The following ARHGEF7 variants were observed in gnomAD, a reference collection of about 807,000 sequenced individuals.
The protein encoded by ARHGEF7 is PAK-interacting exchange factor beta.
Under a neutral mutation model 109.8 loss-of-function variants are expected in ARHGEF7, and 33 were observed. That is an observed-to-expected ratio of 0.30 (90% CI 0.23 to 0.40). The LOEUF (loss-of-function observed/expected upper bound fraction) is 0.40. ARHGEF7 is among the 10% of genes least tolerant of loss of function. ARHGEF7 has a pLI of 1.00. For missense variants in ARHGEF7, 938 were observed against 1,098.5 expected (o/e 0.85, Z 2.07); for synonymous variants, 458 against 424.6 (o/e 1.08, Z -0.97).
At chr13:111,128,188 T>G (rs2067705236) in intron 1 of ARHGEF7, among the ~76,000 whole-genome samples, 1 of 152,186 alleles carries the variant, frequency 6.6e-6, no homozygotes, top group South Asian at 2.1e-4. Flanking sequence ...CTGTTCAACC[T>G]TACACTGGAG....
chr13:111,302,988 C>T lies in ARHGEF7; in HGVS notation c.2467-3C>T. 3.1e-6 allele frequency: 5 copies of T among 1,614,000 alleles called. No homozygotes were observed. Among genetic ancestry groups the T allele is most frequent in the Non-Finnish European group, 4.2e-6 (5 of 1,179,940 alleles). On this transcript the variant is annotated splice_polypyrimidine_tract_variant and splice_region_variant and intron_variant, in intron 21 of 21. Coordinates refer to ENST00000646102, the MANE Select transcript of ARHGEF7 (RefSeq NM_001354046.2). ...AACACCCTGTGGTCTGCTTAATTTA[C>T]AGGACAACAAAAAGATGAAGAAATC... is the stretch of plus-strand genomic sequence containing the variant.
At chr13:111,244,075 C>A in intron 7 of ARHGEF7, 109 bp downstream of exon 7, 1 of 1,219,916 alleles carries the variant, frequency 8.2e-7, no homozygotes, top group Non-Finnish European at 1.2e-6. Context: ...ATTTAGTGTA[C>A]CAGTTTGCCT....
intron 2 of ARHGEF7, among the ~76,000 whole-genome samples, chr13:111,175,659 T>C (rs2078082903): frequency 6.6e-6 from 1 of 152,208 alleles, no homozygotes; most frequent in Non-Finnish European, 1.5e-5. Context: ...AGGTATTGCC[T>C]TGGACGTCCT....
At chr13:111,248,599 C>G (rs1235577349) in intron 8 of ARHGEF7, among the ~76,000 whole-genome samples, 1 of 152,128 alleles carries the variant, frequency 6.6e-6, no homozygotes, top group Non-Finnish European at 1.5e-5. Flanking sequence ...CTGCTGTGTC[C>G]TAAGTGTTCA....
At chr13:111,195,211 G>T (rs1290942773) in intron 2 of ARHGEF7, among the ~76,000 whole-genome samples, 2 of 152,182 alleles carry the variant, frequency 1.3e-5, no homozygotes, top group Non-Finnish European at 2.9e-5. Context: ...TGCCCTTCCA[G>T]ATTGTCTTTC....
intron 2 of ARHGEF7, among the ~76,000 whole-genome samples, chr13:111,166,291 A>G (rs2077120234): frequency 1.3e-5 from 2 of 152,208 alleles, no homozygotes; most frequent in Admixed American, 6.5e-5. Flanking sequence ...ATAGGAAGTG[A>G]GGCCAGGGAG....
At chr13:111,187,381 G>A (rs1020548921) in intron 2 of ARHGEF7, among the ~76,000 whole-genome samples, 1 of 152,192 alleles carries the variant, frequency 6.6e-6, no homozygotes, top group Non-Finnish European at 1.5e-5. Context: ...GAGGGAGACC[G>A]TTCCTGAAAC....
chr13:111,120,447 A>G (rs2067110722), intron 1 of ARHGEF7, among the ~76,000 whole-genome samples: 1 of 151,734 alleles, frequency 6.6e-6, no homozygotes, highest in Non-Finnish European at 1.5e-5. Context: ...ACAAACATGC[A>G]CATACGTAAA....
At chr13:111,152,759 A>G (rs1595077699) in intron 1 of ARHGEF7, among the ~76,000 whole-genome samples, 1 of 152,384 alleles carries the variant, frequency 6.6e-6, no homozygotes, top group African/African-American at 2.4e-5. Flanking sequence ...AATTTGGAAC[A>G]TAAGTTTTCT....
intron 19 of ARHGEF7, chr13:111,294,960 G>A: frequency 1.0e-6 from 1 of 985,114 alleles, no homozygotes; most frequent in Non-Finnish European, 1.2e-6. Context: ...TGTATATAGT[G>A]GTATAAGATC....
intron 1 of ARHGEF7, among the ~76,000 whole-genome samples, chr13:111,147,528 T>C (rs2075660110): frequency 1.3e-5 from 2 of 152,208 alleles, no homozygotes; most frequent in African/African-American, 2.4e-5. Context: ...CCATCTTGTT[T>C]GTATCACAAT....
chr13:111,234,182 T>G (rs765874059), intron 6 of ARHGEF7, among the ~76,000 whole-genome samples: 5 of 152,190 alleles, frequency 3.3e-5, no homozygotes, highest in African/African-American at 4.8e-5. Flanking sequence ...AGCAGTTGAT[T>G]GGTGTTTTTG....
At chr13:111,147,758 C>T (rs1003814933) in intron 1 of ARHGEF7, among the ~76,000 whole-genome samples, 11 of 129,638 alleles carry the variant, frequency 8.5e-5, no homozygotes, top group East Asian at 2.3e-4. Flanking sequence ...AGTGCAGTGG[C>T]GGGATCTCGG....
intron 5 of ARHGEF7, among the ~76,000 whole-genome samples, chr13:111,221,488 TAG>T (rs1566874982): frequency 1.5e-5 from 1 of 65,598 alleles, no homozygotes; most frequent in Non-Finnish European, 3.0e-5. Context: ...TAGATATATA[TAG>T]ACATATATAT....
At chr13:111,197,463 G>A (rs1033565196) in intron 2 of ARHGEF7, among the ~76,000 whole-genome samples, 5 of 152,102 alleles carry the variant, frequency 3.3e-5, no homozygotes, top group African/African-American at 4.8e-5. Flanking sequence ...CCTTACTGAC[G>A]CATTCTTGAA....
At chr13:111,292,752 A>C in intron 19 of ARHGEF7, 1 of 1,009,126 alleles carries the variant, frequency 9.9e-7, no homozygotes, top group Non-Finnish European at 1.2e-6. Context: ...TAGGGACCTA[A>C]ATTTTTTAAG....
At chr13:111,147,675 C>G (rs2075667976) in intron 1 of ARHGEF7, among the ~76,000 whole-genome samples, 1 of 150,700 alleles carries the variant, frequency 6.6e-6, no homozygotes, top group Non-Finnish European at 1.5e-5. Context: ...TTCACCCTTC[C>G]AACTCAGAGG....
In ARHGEF7 at chr13:111,239,051, G is replaced by C. The variant is rs2087290364; in HGVS notation, c.760-4821G>C. On this transcript the variant is annotated intron_variant, in intron 6 of 21. Coordinates refer to ENST00000646102, the MANE Select transcript of ARHGEF7 (RefSeq NM_001354046.2). The surrounding 1 kb of genome is among the most constrained non-coding windows in gnomAD (Gnocchi z 4.3). ...ATGAGTGCCAACAGGGGAAATGCCA[G>C]ATGCTTATAAAACCATCAGATCTTG... Among the ~76,000 whole-genome samples, 2 of 152,300 alleles carry C rather than the reference G, an allele frequency of 1.3e-5. No homozygotes were observed. The highest frequency in any genetic ancestry group is 1.3e-4 in the Admixed American group (2 of 15,302).
intron 2 of ARHGEF7, among the ~76,000 whole-genome samples, chr13:111,165,722 C>T (rs1288459885): frequency 6.6e-6 from 1 of 152,208 alleles, no homozygotes; most frequent in Non-Finnish European, 1.5e-5. Flanking sequence ...GGGCTTCGTG[C>T]TCCTGAGTTC....
Sources: gnomAD v4.1 joint callset for allele counts (sites outside exome capture counted in the v4.1 genomes callset) on GRCh38, gnomAD v4.1.1 for gene constraint, Gnocchi (gnomAD v3.1) non-coding constraint, MANE v1.5 for transcripts, NCBI Gene and HGNC (gene_info 2026-07-23, HGNC 2026-07-21) for gene names.